Variants in MAPK10 observed in about 807,000 individuals in gnomAD.
MAPK10 encodes JNK3 alpha protein kinase.
A neutral mutation model predicts 59.3 loss-of-function variants in MAPK10; 25 were observed. That is an observed-to-expected ratio of 0.42 (90% CI 0.31 to 0.59). The LOEUF is 0.59. Among genes scored for constraint, MAPK10 ranks in the 20% least tolerant of loss-of-function variants. The pLI is 0.15. For synonymous variants in MAPK10, 190 were observed against 200.5 expected, an observed-to-expected ratio of 0.95 and a Z score of 0.44; for missense variants, 351 against 568.9, an observed-to-expected ratio of 0.62 and a Z score of 3.90.
intron 1 of MAPK10, among the ~76,000 whole-genome samples, chr4:86,547,352 A>T (rs1176519757): frequency 6.6e-6 from 1 of 152,214 alleles, no homozygotes; most frequent in Admixed American, 6.5e-5. Context: ...GGACTGCGCG[A>T]GTTCCGGGTG....
intron 4 of MAPK10, among the ~76,000 whole-genome samples, chr4:86,143,823 C>T (rs1434108771): frequency 1.3e-5 from 2 of 152,158 alleles, no homozygotes; most frequent in Admixed American, 6.5e-5. Flanking sequence ...TCTTTTACAA[C>T]ATCTTATTAA....
chr4:86,302,604 A>G (rs1417838929), intron 2 of MAPK10, among the ~76,000 whole-genome samples: 1 of 152,178 alleles, frequency 6.6e-6, no homozygotes, highest in Non-Finnish European at 1.5e-5. Context: ...TAAGTCTACT[A>G]TTTGTAAGTG....
intron 9 of MAPK10, chr4:86,095,808 T>C (rs1354901806): frequency 2.0e-5 from 3 of 151,872 alleles, no homozygotes; most frequent in African/African-American, 7.2e-5. Flanking sequence ...GAGATTTCTA[T>C]AGGTTTATTT....
chr4:86,085,539 A>G (rs2051603850), intron 9 of MAPK10, among the ~76,000 whole-genome samples: 1 of 152,224 alleles, frequency 6.6e-6, no homozygotes, highest in Admixed American at 6.5e-5. Flanking sequence ...AATCAAAACT[A>G]CAATGAGATA....
intron 2 of MAPK10, among the ~76,000 whole-genome samples, chr4:86,215,687 C>G (rs1348900376): frequency 1.3e-5 from 2 of 152,006 alleles, no homozygotes; most frequent in African/African-American, 4.8e-5. Flanking sequence ...ATGGTGAAAC[C>G]CCGTCTCTAC....
intron 1 of MAPK10, chr4:86,384,001 T>C (rs1319069606): frequency 1.3e-5 from 2 of 152,216 alleles, no homozygotes; most frequent in Non-Finnish European, 2.9e-5. Flanking sequence ...ATTTCTTTCA[T>C]CCTACATTTC....
intron 3 of MAPK10, among the ~76,000 whole-genome samples, chr4:86,163,910 T>C (rs1041433129): frequency 2.6e-5 from 4 of 152,172 alleles, no homozygotes; most frequent in Non-Finnish European, 2.9e-5. Flanking sequence ...CCTATAGCCA[T>C]AGAATTTTGC....
intron 1 of MAPK10, among the ~76,000 whole-genome samples, chr4:86,550,392 A>AAAAAC (rs1759674778): frequency 1.0e-5 from 1 of 99,310 alleles, no homozygotes; most frequent in African/African-American, 3.4e-5. Flanking sequence ...AAAAAAAAAA[A>AAAAAC]AAAAAAAAAA....
intron 11 of MAPK10, among the ~76,000 whole-genome samples, chr4:86,046,376 T>C (rs2042504513): frequency 6.6e-6 from 1 of 151,820 alleles, no homozygotes; most frequent in Admixed American, 6.6e-5. Context: ...CATCCTTGTC[T>C]TGTGCTGGTT....
At chr4:86,035,265 G>A (rs1204438397) in intron 11 of MAPK10, among the ~76,000 whole-genome samples, 1 of 151,448 alleles carries the variant, frequency 6.6e-6, no homozygotes, top group Non-Finnish European at 1.5e-5. Flanking sequence ...CAGCTACTCG[G>A]GAGGCTGAGG....
intron 1 of MAPK10, among the ~76,000 whole-genome samples, chr4:86,489,572 A>C (rs1754299680): frequency 6.6e-6 from 1 of 152,138 alleles, no homozygotes; most frequent in South Asian, 2.1e-4. Flanking sequence ...TTATTCTTTC[A>C]CTTGTGCAGC....
chr4:86,183,192 G>C (rs2077314766), intron 3 of MAPK10, among the ~76,000 whole-genome samples: 1 of 151,826 alleles, frequency 6.6e-6, no homozygotes, highest in African/African-American at 2.4e-5. Context: ...ACATTGTGCA[G>C]GTTAGTTACA....
At chr4:86,152,659 C>G (rs1011152359) in intron 4 of MAPK10, 1 of 152,114 alleles carries the variant, frequency 6.6e-6, no homozygotes, top group Non-Finnish European at 1.5e-5. Flanking sequence ...CTGTAACAGG[C>G]CAGAAGCATG....
chr4:86,089,003 T>C lies in MAPK10; in HGVS notation c.802+9521A>G, dbSNP rs548658913. ...TGATATCAGGTTGACTCTTTCATAT[T>C]TGTTACTGTATTATCCACATAAGGT... On this transcript the variant is annotated intron_variant, in intron 9 of 13. Coordinates refer to ENST00000641462, the MANE Select transcript of MAPK10 (RefSeq NM_138982.4). Among the ~76,000 whole-genome samples, 11 of 152,332 alleles carry C rather than the reference T, an allele frequency of 7.2e-5. No individual in the cohort carries two copies. The East Asian group carries it at 2.1e-3, about 29-fold the overall frequency.
chr4:86,196,853 G>A (rs967054902), intron 2 of MAPK10, among the ~76,000 whole-genome samples: 13 of 152,104 alleles, frequency 8.5e-5, no homozygotes, highest in South Asian at 6.2e-4. Flanking sequence ...CAGGTTTGTC[G>A]AAAATCAGAT....
chr4:86,463,528 T>C (rs144837866), intron 1 of MAPK10, among the ~76,000 whole-genome samples: 104 of 152,338 alleles, frequency 6.8e-4, no homozygotes, highest in African/African-American at 2.4e-3. Flanking sequence ...TTATGATCAC[T>C]TGCAAAATTC....
At chr4:86,464,463 G>A (rs1752016504) in intron 1 of MAPK10, among the ~76,000 whole-genome samples, 1 of 152,202 alleles carries the variant, frequency 6.6e-6, no homozygotes, top group African/African-American at 2.4e-5. Context: ...GCTCAGTTAT[G>A]ATTTCATACA....
intron 1 of MAPK10, among the ~76,000 whole-genome samples, chr4:86,423,095 C>T (rs1746749667): frequency 6.6e-6 from 1 of 152,102 alleles, no homozygotes; most frequent in South Asian, 2.1e-4. Context: ...ATGATATTTA[C>T]ATATACATTA....
At chr4:86,233,704 G>A (rs2091901299) in intron 2 of MAPK10, among the ~76,000 whole-genome samples, 2 of 152,180 alleles carry the variant, frequency 1.3e-5, no homozygotes, top group Admixed American at 6.5e-5. Flanking sequence ...ACTGTGAGGA[G>A]GTGTTTCTCA....
Sources: allele counts gnomAD v4.1 joint callset (sites outside exome capture counted in the v4.1 genomes callset), GRCh38; gene constraint gnomAD v4.1.1; transcripts MANE v1.5; gene names NCBI Gene and HGNC (gene_info 2026-07-23, HGNC 2026-07-21).